SGCD: variants seen among roughly 807,000 people sequenced by gnomAD.
The protein encoded by SGCD is sarcoglycan delta.
SGCD carries 18 observed loss-of-function variants against 36.6 expected under a neutral mutation model. The ratio of observed to expected loss-of-function variants is 0.49; its 90% CI spans 0.34 to 0.73. SGCD has a LOEUF of 0.73. SGCD is among the 30% of genes least tolerant of loss of function. The probability of loss-of-function intolerance (pLI) is 0.01; values close to 1 mark genes in which losing one functional copy is unlikely to be tolerated. For synonymous variants in SGCD, 133 were observed against 130.6 expected (o/e 1.02, Z -0.12); for missense variants, 387 against 346.7 (o/e 1.12, Z -0.92).
At chr5:156,249,402 G>C (rs1765519758) in intron 3 of SGCD, among the ~76,000 whole-genome samples, 1 of 152,168 alleles carries the variant, frequency 6.6e-6, no homozygotes, top group African/African-American at 2.4e-5. Flanking sequence ...AAATATGTGG[G>C]ATTAGCAACA....
intron 1 of SGCD, among the ~76,000 whole-genome samples, chr5:156,060,638 T>A (rs1760180957): frequency 6.9e-6 from 1 of 145,894 alleles, no homozygotes; most frequent in Non-Finnish European, 1.5e-5. Flanking sequence ...TTTTGTTGCA[T>A]AGAAATAGGG....
intron 4 of SGCD, among the ~76,000 whole-genome samples, chr5:156,556,841 TC>T (rs1414309011): frequency 6.6e-6 from 1 of 152,182 alleles, no homozygotes; most frequent in Non-Finnish European, 1.5e-5. Context: ...AATAGCTGCT[TC>T]TTTGTAACTG....
intron 1 of SGCD, among the ~76,000 whole-genome samples, chr5:155,943,394 A>G (rs956689079): frequency 2.0e-5 from 3 of 151,976 alleles, no homozygotes; most frequent in African/African-American, 7.3e-5. Context: ...GTGAAAAGGG[A>G]AGAATCTACC....
intron 7 of SGCD, among the ~76,000 whole-genome samples, chr5:156,736,965 C>T (rs1390464748): frequency 2.0e-5 from 3 of 152,144 alleles, no homozygotes; most frequent in Admixed American, 2.0e-4. Context: ...ACCATTTTCA[C>T]TAACAGAGGA....
At position 156,576,832 on chromosome 5, in the gene SGCD, G is replaced by T. The variant is rs188735991; in HGVS notation, c.295-12399G>T. On this transcript the variant is annotated intron_variant, in intron 4 of 8. Coordinates refer to ENST00000337851, the MANE Select transcript of SGCD (RefSeq NM_000337.6). ...TGGATATTAGCCTTTTGTTAGATGG[G>T]TAGATTGCAACAATTTTCTCCCATT... is the stretch of plus-strand genomic sequence containing the variant. 7.2e-5 allele frequency among the ~76,000 whole-genome samples: 11 copies of T among 152,174 alleles called. No individual in the cohort carries two copies. The East Asian group carries it at 2.1e-3, about 29-fold the overall frequency.
At chr5:155,745,582 G>C in the SGCD span, among the ~76,000 whole-genome samples, 7 of 151,678 alleles carry the variant, frequency 4.6e-5, no homozygotes, top group Admixed American at 4.6e-4. Flanking sequence ...GACATGTAAA[G>C]TAAGAGAGAA....
At chr5:156,468,447 G>T (rs1223756576) in intron 3 of SGCD, among the ~76,000 whole-genome samples, 3 of 151,834 alleles carry the variant, frequency 2.0e-5, no homozygotes, top group Non-Finnish European at 2.9e-5. Context: ...CATAAAAGAG[G>T]TACTCAGTAA....
intron 3 of SGCD, among the ~76,000 whole-genome samples, chr5:156,303,753 C>A (rs1767123636): frequency 6.6e-6 from 1 of 151,698 alleles, no homozygotes; most frequent in African/African-American, 2.4e-5. Flanking sequence ...ATATGTCATT[C>A]AGGAGCTAGG....
chr5:156,099,143 C>T (rs1348211008), intron 1 of SGCD, among the ~76,000 whole-genome samples: 1 of 152,198 alleles, frequency 6.6e-6, no homozygotes, highest in Non-Finnish European at 1.5e-5. Context: ...CTATGCTGTT[C>T]CTCCCAACCT....
intron 1 of SGCD, among the ~76,000 whole-genome samples, chr5:155,985,765 C>A (rs1378914764): frequency 2.6e-5 from 4 of 152,324 alleles, no homozygotes; most frequent in African/African-American, 7.2e-5. Flanking sequence ...ATGGCACTCT[C>A]ACTCCATTAC....
intron 7 of SGCD, among the ~76,000 whole-genome samples, chr5:156,730,726 G>A (rs1429774006): frequency 6.6e-6 from 1 of 151,952 alleles, no homozygotes; most frequent in Admixed American, 6.6e-5. Flanking sequence ...TTATATTCCT[G>A]TGGGTATATA....
Position 156,595,020 on chromosome 5 carries a change from G to T in SGCD, c.471G>T (p.Val157=). Reference sequence around the variant, plus strand: ...TCTTCTCTGCAGACAATAATGAAGTGGTAGTAGGAGCTGAAAGATTACGAG... The same window carrying T: ...TCTTCTCTGCAGACAATAATGAAGTTGTAGTAGGAGCTGAAAGATTACGAG... The part of the protein sequence containing the change: ...KLLFSADNNE[V]VVGAERLRVL... Residue 157 remains valine, a synonymous_variant, in exon 6 of 9, where the codon GTG becomes GTT. Coordinates refer to ENST00000337851, the MANE Select transcript of SGCD (RefSeq NM_000337.6). 6.2e-7 allele frequency: 1 copy of T among 1,611,540 alleles called. No homozygotes were observed. Among genetic ancestry groups the T allele is most frequent in the Non-Finnish European group, 8.5e-7 (1 of 1,178,212 alleles).
chr5:156,282,060 T>A (rs1766468347), intron 3 of SGCD, among the ~76,000 whole-genome samples: 1 of 152,008 alleles, frequency 6.6e-6, no homozygotes, highest in Non-Finnish European at 1.5e-5. Flanking sequence ...TCTCCAGTAG[T>A]TTTACCATAC....
intron 7 of SGCD, among the ~76,000 whole-genome samples, chr5:156,653,505 T>TTTTTTTTTTTTTTTTTTTTTTTC (rs1561839602): frequency 6.9e-6 from 1 of 144,418 alleles, no homozygotes. Flanking sequence ...TTTTTTTTTT[T>TTTTTTTTTTTTTTTTTTTTTTTC]TTTGCCCCTG....
intron 4 of SGCD, among the ~76,000 whole-genome samples, chr5:156,542,751 T>C (rs573227349): frequency 6.6e-6 from 1 of 152,290 alleles, no homozygotes; most frequent in East Asian, 1.9e-4. Flanking sequence ...TCAATCTCTA[T>C]TCTTTGCTGC....
intron 3 of SGCD, among the ~76,000 whole-genome samples, chr5:156,487,813 A>AAAAAAAAAAAAAAAAAAAAAG (rs1554107842): frequency 5.1e-5 from 4 of 77,794 alleles, no homozygotes; most frequent in African/African-American, 1.3e-4. Flanking sequence ...AAAAAAAAAA[A>AAAAAAAAAAAAAAAAAAAAAG]AAAGAAAGAA....
chr5:156,581,550 C>T (rs1760257100), intron 4 of SGCD, among the ~76,000 whole-genome samples: 1 of 152,194 alleles, frequency 6.6e-6, no homozygotes, highest in South Asian at 2.1e-4. Flanking sequence ...AGGCAGCAGG[C>T]CTGGCTGAGC....
intron 1 of SGCD, among the ~76,000 whole-genome samples, chr5:155,975,927 G>T (rs1758104856): frequency 6.6e-6 from 1 of 151,962 alleles, no homozygotes; most frequent in South Asian, 2.1e-4. Flanking sequence ...ACTGCGCTCG[G>T]CCATGTGTTA....
At chr5:156,547,441 C>CTTTTTTTTTTT (rs398065337) in intron 4 of SGCD, among the ~76,000 whole-genome samples, 1 of 145,186 alleles carries the variant, frequency 6.9e-6, no homozygotes. Context: ...GATAATATGA[C>CTTTTTTTTTTT]TTTTTTTTTT....
Sources: gnomAD v4.1 joint callset for allele counts (sites outside exome capture counted in the v4.1 genomes callset) on GRCh38, gnomAD v4.1.1 for gene constraint, MANE v1.5 for transcripts, NCBI Gene and HGNC (gene_info 2026-07-23, HGNC 2026-07-21) for gene names.